Variants in NDUFB9 observed in about 807,000 individuals in gnomAD.
NDUFB9 encodes the protein NADH dehydrogenase [ubiquinone] 1 beta subcomplex subunit 9.
In NDUFB9, 24 loss-of-function variants were observed where a neutral mutation model predicts 30.2. That is an observed-to-expected ratio of 0.80 (90% CI 0.58 to 1.12). The LOEUF is 1.12. Among genes scored for constraint, NDUFB9 ranks in the 50% most tolerant of loss-of-function variants. The pLI, the probability that NDUFB9 is intolerant of heterozygous loss-of-function variation, is 0.00. For synonymous variants in NDUFB9, 80 were observed against 84.0 expected, an observed-to-expected ratio of 0.95 and a Z score of 0.26; for missense variants, 204 against 226.0, an observed-to-expected ratio of 0.90 and a Z score of 0.62.
At chr8:124,546,307 C>T (rs1404866435) in intron 2 of NDUFB9, among the ~76,000 whole-genome samples, 1 of 152,188 alleles carries the variant, frequency 6.6e-6, no homozygotes, top group African/African-American at 2.4e-5. Context: ...GTTCAAAGTC[C>T]TTTGTTATCA....
At chr8:124,549,024 G>T (rs1311521556) in intron 3 of NDUFB9, among the ~76,000 whole-genome samples, 1 of 152,242 alleles carries the variant, frequency 6.6e-6, no homozygotes, top group Non-Finnish European at 1.5e-5. Context: ...TCACCGTTTA[G>T]AAGCTTGAAG....
chr8:124,544,950 G>A (rs1455823489), intron 2 of NDUFB9, among the ~76,000 whole-genome samples: 3 of 152,108 alleles, frequency 2.0e-5, no homozygotes, highest in Admixed American at 6.5e-5. Context: ...CAGCTTTAAC[G>A]GGGTTGGAAG....
intron 2 of NDUFB9, 49 bp from the exon 3 acceptor site, chr8:124,546,951 T>G: frequency 7.7e-7 from 1 of 1,298,288 alleles, no homozygotes; most frequent in Non-Finnish European, 1.1e-6. Flanking sequence ...CTGTCAGGGA[T>G]AGGTAAATGT....
intron 3 of NDUFB9, chr8:124,547,425 AT>A (rs947095627): frequency 5.0e-6 from 3 of 599,946 alleles, no homozygotes; most frequent in African/African-American, 3.7e-5. Context: ...TTTCTTAGGC[AT>A]TTTTCAGTCA....
In NDUFB9 at chr8:124,549,766, G is replaced by A; in HGVS notation, c.414G>A (p.Lys138=). 1 of 1,614,064 alleles carries A rather than the reference G, an allele frequency of 6.2e-7. No individual in the cohort carries two copies. Among genetic ancestry groups the A allele is most frequent in the African/African-American group, 1.3e-5 (1 of 75,034 alleles). ...CCTTCCTTGCCTCCTTCTAGGTTAA[G>A]CAGCTGCAGGAGGAAACGCCACCTG... ...LRRESWEREV[K]QLQEETPPGG... Residue 138 remains lysine, a synonymous_variant, in exon 4 of 4, where the codon AAG becomes AAA. Coordinates refer to ENST00000276689, the MANE Select transcript of NDUFB9 (RefSeq NM_005005.3).
chr8:124,543,198 C>G lies in NDUFB9; in HGVS notation c.213C>G (p.Phe71Leu), dbSNP rs1287891555. The G allele has an allele frequency of 6.2e-7, 1 of 1,614,240 alleles. No homozygotes were observed. The highest frequency in any genetic ancestry group is 8.5e-7 in the Non-Finnish European group (1 of 1,180,042). The change falls in exon 2 of 4, where the codon TTC becomes TTG. Residue 71 changes from phenylalanine (F) to leucine (L), a missense_variant. Phe to Leu is a conservative substitution (Grantham distance 22). Coordinates refer to ENST00000276689, the MANE Select transcript of NDUFB9 (RefSeq NM_005005.3). ...TQLLKEAEEE[F>L]WYRQHPQPYI... ...TGCTGAAGGAGGCCGAGGAAGAATT[C>G]TGGTACCGTCAGCATCCACAGCCAT...
At chr8:124,543,307 C>G (rs780323181) in intron 2 of NDUFB9, 28 bp downstream of exon 2, 2 of 1,598,866 alleles carry the variant, frequency 1.3e-6, no homozygotes, top group African/African-American at 2.7e-5. Flanking sequence ...TGACTGCCTT[C>G]TGAGAAATAG....
At chr8:124,541,080 C>T (rs185306633) in intron 1 of NDUFB9, among the ~76,000 whole-genome samples, 41 of 152,164 alleles carry the variant, frequency 2.7e-4, no homozygotes, top group African/African-American at 4.1e-4. Context: ...GCAGAAGAAC[C>T]GCTTGAACCT....
rs373729642 is a variant in NDUFB9, at chr8:124,549,745, C to T, written c.409-16C>T. 4 of 1,612,978 alleles carry T rather than the reference C, an allele frequency of 2.5e-6. No homozygotes were observed. Among genetic ancestry groups the T allele is most frequent in the South Asian group, 2.2e-5 (2 of 91,056 alleles). On this transcript the variant is annotated splice_polypyrimidine_tract_variant and intron_variant, in intron 3 of 3. Transcript: ENST00000276689. ...TAGATTCCTTTGGTAATGATTCCTT[C>T]CTTGCCTCCTTCTAGGTTAAGCAGC...
At chr8:124,545,004 C>G (rs998684363) in intron 2 of NDUFB9, among the ~76,000 whole-genome samples, 1 of 152,260 alleles carries the variant, frequency 6.6e-6, no homozygotes, top group East Asian at 1.9e-4. Context: ...GGGCTCAAGA[C>G]TTCAGCAGAA....
chr8:124,547,343 CCTTCT>C, intron 3 of NDUFB9: 1 of 630,774 alleles, frequency 1.6e-6, no homozygotes, highest in Non-Finnish European at 2.8e-6. Flanking sequence ...CTTCAGATCT[CCTTCT>C]CTTTAGTCCT....
intron 2 of NDUFB9, 56 bp downstream of exon 2, chr8:124,543,335 C>A (rs749485006): frequency 6.5e-6 from 10 of 1,549,350 alleles, no homozygotes; most frequent in Non-Finnish European, 7.1e-6. Flanking sequence ...TTCTTCAGTC[C>A]CACACCTCAG....
At chr8:124,539,578 G>T (rs1376262746) in intron 1 of NDUFB9, 1 of 420,464 alleles carries the variant, frequency 2.4e-6, no homozygotes, top group African/African-American at 2.0e-5. Context: ...AAAGGAAAGT[G>T]CCTAAAATTG....
chr8:124,543,422 A>G, intron 2 of NDUFB9, 143 bp downstream of exon 2: 1 of 797,760 alleles, frequency 1.3e-6, no homozygotes, highest in Non-Finnish European at 2.0e-6. Flanking sequence ...GGCCTACCTC[A>G]TTTTATTGCA....
At chr8:124,545,190 A>T (rs1240873834) in intron 2 of NDUFB9, among the ~76,000 whole-genome samples, 1 of 152,230 alleles carries the variant, frequency 6.6e-6, no homozygotes, top group Non-Finnish European at 1.5e-5. Flanking sequence ...AGTTTTTGTG[A>T]ACATTGATGA....
chr8:124,543,158 C>G lies in NDUFB9; in HGVS notation c.173C>G (p.Ala58Gly). ...GAACATAAGAATGAAAAGGATATGG[C>G]GAAGGCCACCCAGCTGCTGAAGGAG... Reference protein sequence around the residue: ...FEEHKNEKDMAKATQLLKEAE... With the variant: ...FEEHKNEKDMGKATQLLKEAE... The change falls in exon 2 of 4, where the codon GCG (alanine) becomes GGG (glycine). Residue 58 changes from alanine to glycine, a missense_variant. Ala to Gly is a moderately conservative substitution (Grantham distance 60). Coordinates refer to ENST00000276689, the MANE Select transcript of NDUFB9 (RefSeq NM_005005.3). 3 of 1,614,194 alleles carry G rather than the reference C, an allele frequency of 1.9e-6. No individual in the cohort carries two copies. Among genetic ancestry groups the G allele is most frequent in the South Asian group, 1.1e-5 (1 of 91,082 alleles).
chr8:124,543,004 A>G lies in NDUFB9; in HGVS notation c.102-83A>G, dbSNP rs1822059015. 2.8e-6 allele frequency: 4 copies of G among 1,446,190 alleles called. No homozygotes were observed. The South Asian group carries it at 4.6e-5, about 17-fold the overall frequency. 89.6% of individuals were successfully genotyped at this position (1,446,190 alleles called of 1,614,324 possible). A position where few individuals can be genotyped will look rare whatever the true frequency, so the allele number is the denominator to read the frequency against. Reference sequence around the variant, plus strand: ...GTCCACTGCCCATCCAGAAGGTATCAGAAGTGCAGCCTCCTGTCAGACAGC... The same window carrying G: ...GTCCACTGCCCATCCAGAAGGTATCGGAAGTGCAGCCTCCTGTCAGACAGC... On this transcript the variant is annotated intron_variant, in intron 1 of 3. Transcript: ENST00000276689.
chr8:124,542,845 C>A, intron 1 of NDUFB9: 1 of 292,110 alleles, frequency 3.4e-6, no homozygotes, highest in Non-Finnish European at 6.2e-6. Context: ...ATCCTCATTC[C>A]ATTGTTGGAT....
intron 1 of NDUFB9, among the ~76,000 whole-genome samples, chr8:124,540,843 G>A (rs1563705572): frequency 2.0e-5 from 3 of 152,220 alleles, no homozygotes; most frequent in East Asian, 3.9e-4. Flanking sequence ...GCGCTCATTT[G>A]TCTCTAGAGC....
Sources: allele counts gnomAD v4.1 joint callset (sites outside exome capture counted in the v4.1 genomes callset), GRCh38; gene constraint gnomAD v4.1.1; transcripts MANE v1.5; gene names NCBI Gene and HGNC (gene_info 2026-07-23, HGNC 2026-07-21).